Variants in ASIC2 observed in about 807,000 individuals in gnomAD.
ASIC2 encodes acid sensing ion channel subunit 2.
Under a neutral mutation model 57.3 loss-of-function variants are expected in ASIC2, and 25 were observed. The ratio of observed to expected loss-of-function variants is 0.44; its 90% CI spans 0.32 to 0.61. ASIC2 has a LOEUF of 0.61. ASIC2 is among the 20% of genes least tolerant of loss of function. The pLI is 0.06. For missense variants in ASIC2, 641 were observed against 738.1 expected, an observed-to-expected ratio of 0.87 and a Z score of 1.52; for synonymous variants, 319 against 307.5, an observed-to-expected ratio of 1.04 and a Z score of -0.39.
chr17:34,048,458 CCT>C (rs1049906502), intron 1 of ASIC2, among the ~76,000 whole-genome samples: 5 of 152,280 alleles, frequency 3.3e-5, no homozygotes, highest in African/African-American at 1.2e-4. Flanking sequence ...TGCTCAACAG[CCT>C]CTCTCTGCTC....
intron 1 of ASIC2, among the ~76,000 whole-genome samples, chr17:33,783,431 A>G (rs145911445): frequency 3.9e-5 from 6 of 152,366 alleles, no homozygotes; most frequent in South Asian, 4.1e-4. Context: ...AAAGGAATTC[A>G]TGCATGTAAA....
chr17:33,303,987 GA>G (rs1365440883), intron 1 of ASIC2, among the ~76,000 whole-genome samples: 1 of 152,148 alleles, frequency 6.6e-6, no homozygotes, highest in Non-Finnish European at 1.5e-5. Context: ...GTTCCCCAAG[GA>G]AATAACCTCA....
intron 1 of ASIC2, among the ~76,000 whole-genome samples, chr17:33,169,535 A>T (rs944859233): frequency 6.6e-6 from 1 of 152,244 alleles, no homozygotes; most frequent in Non-Finnish European, 1.5e-5. Context: ...AAGCTCAGAA[A>T]GGCTGTACAA....
intron 1 of ASIC2, among the ~76,000 whole-genome samples, chr17:33,775,490 ATC>A (rs1364296002): frequency 6.6e-6 from 1 of 152,146 alleles, no homozygotes; most frequent in Non-Finnish European, 1.5e-5. Context: ...ATAACAGGAG[ATC>A]TGTAGGTGCG....
At chr17:34,096,853 T>A (rs1438502221) in intron 1 of ASIC2, among the ~76,000 whole-genome samples, 1 of 48,398 alleles carries the variant, frequency 2.1e-5, no homozygotes, top group African/African-American at 9.4e-5. Flanking sequence ...TGAGACTCCA[T>A]CTCAAAAAAA....
intron 1 of ASIC2, among the ~76,000 whole-genome samples, chr17:33,856,570 G>T (rs892824903): frequency 6.7e-6 from 1 of 149,048 alleles, no homozygotes; most frequent in Non-Finnish European, 1.5e-5. Flanking sequence ...AGAAGTGGTG[G>T]TGCTGTTGGC....
chr17:34,093,970 G>C (rs1478899465), intron 1 of ASIC2, among the ~76,000 whole-genome samples: 1 of 152,156 alleles, frequency 6.6e-6, no homozygotes, highest in South Asian at 2.1e-4. Context: ...CCCTTTGTCT[G>C]CTCAGGTTGC....
At chr17:33,637,524 C>A (rs1906411849) in intron 1 of ASIC2, among the ~76,000 whole-genome samples, 1 of 152,144 alleles carries the variant, frequency 6.6e-6, no homozygotes, top group South Asian at 2.1e-4. Context: ...GTCTTTGTTC[C>A]CAAGTTTTGA....
At chr17:33,664,574 A>AC (rs978683704) in intron 1 of ASIC2, among the ~76,000 whole-genome samples, 5 of 152,256 alleles carry the variant, frequency 3.3e-5, no homozygotes, top group Admixed American at 3.3e-4. Context: ...ACACATTGAC[A>AC]CTAGTGCCTC....
chr17:33,454,861 C>T (rs758607668), intron 1 of ASIC2, among the ~76,000 whole-genome samples: 1 of 152,198 alleles, frequency 6.6e-6, no homozygotes, highest in African/African-American at 2.4e-5. Flanking sequence ...GCACTCCCTG[C>T]AACCTCTTTT....
At chr17:33,459,328 G>A (rs1182279632) in intron 1 of ASIC2, among the ~76,000 whole-genome samples, 1 of 152,046 alleles carries the variant, frequency 6.6e-6, no homozygotes, top group Non-Finnish European at 1.5e-5. Flanking sequence ...GGCACATCTT[G>A]TCCCTGAGAG....
At chr17:34,086,177 G>A (rs2142083348) in intron 1 of ASIC2, among the ~76,000 whole-genome samples, 1 of 147,680 alleles carries the variant, frequency 6.8e-6, no homozygotes, top group African/African-American at 2.5e-5. Flanking sequence ...TGGGCATTTA[G>A]TGCTATAAAT....
At chr17:34,107,339 T>G (rs766433776) in intron 1 of ASIC2, among the ~76,000 whole-genome samples, 1 of 151,816 alleles carries the variant, frequency 6.6e-6, no homozygotes, top group Non-Finnish European at 1.5e-5. Context: ...CCATCTCAAC[T>G]AAAAATAAAA....
intron 2 of ASIC2, among the ~76,000 whole-genome samples, chr17:33,100,583 A>T (rs995437205): frequency 6.6e-6 from 1 of 152,230 alleles, no homozygotes; most frequent in African/African-American, 2.4e-5. Context: ...ACGTTCCCCA[A>T]ACAGACTGCA....
chr17:33,819,060 T>C lies in ASIC2; in HGVS notation c.555+336918A>G, dbSNP rs1245116440. 3.3e-5 allele frequency among the ~76,000 whole-genome samples: 5 copies of C among 152,286 alleles called. No individual in the cohort carries two copies. In the East Asian group the frequency reaches 9.7e-4, roughly 29 times the overall value. Reference sequence around the variant, plus strand: ...CTTTTGGGTTATGACCCATGTGCTATTTAGGAAAAACCCAGGGATAATGCC... The same window carrying C: ...CTTTTGGGTTATGACCCATGTGCTACTTAGGAAAAACCCAGGGATAATGCC... On this transcript the variant is annotated intron_variant, in intron 1 of 9. Transcript: ENST00000359872.
At chr17:33,432,978 G>T (rs1335304499) in intron 1 of ASIC2, among the ~76,000 whole-genome samples, 3 of 152,210 alleles carry the variant, frequency 2.0e-5, no homozygotes, top group African/African-American at 7.2e-5. Context: ...CTCAACCATT[G>T]TGGAAAACGG....
intron 1 of ASIC2, among the ~76,000 whole-genome samples, chr17:33,227,764 GA>G (rs886230659): frequency 6.6e-6 from 1 of 152,180 alleles, no homozygotes; most frequent in Non-Finnish European, 1.5e-5. Flanking sequence ...AACAGATAAA[GA>G]AACTGAAGCA....
rs1011178104 is a variant in ASIC2 at position 33,422,317 on chromosome 17, A to G, written c.556-310250T>C. Reference sequence around the variant, plus strand: ...CCCAGATGCTGGCAGAATAAAGCAGAGAAGACTGCTCCTGTAGCAACCCCC... The same window carrying G: ...CCCAGATGCTGGCAGAATAAAGCAGGGAAGACTGCTCCTGTAGCAACCCCC... On this transcript the variant is annotated intron_variant, in intron 1 of 9. Transcript: ENST00000359872. Among the ~76,000 whole-genome samples the G allele has an allele frequency of 7.9e-5, 12 of 152,366 alleles. No individual in the cohort carries two copies. In the East Asian group the frequency reaches 2.1e-3, roughly 27 times the overall value.
chr17:33,717,994 G>T (rs1909273281), intron 1 of ASIC2, among the ~76,000 whole-genome samples: 1 of 152,160 alleles, frequency 6.6e-6, no homozygotes, highest in African/African-American at 2.4e-5. Flanking sequence ...CCCAGAGTGT[G>T]AAGCTGTTTC....
Sources: allele counts gnomAD v4.1 joint callset (sites outside exome capture counted in the v4.1 genomes callset), GRCh38; gene constraint gnomAD v4.1.1; transcripts MANE v1.5; gene names NCBI Gene and HGNC (gene_info 2026-07-23, HGNC 2026-07-21).